OAS3: variants seen among roughly 807,000 people sequenced by gnomAD.
The protein encoded by OAS3 is 2'-5'-oligoadenylate synthase 3.
In OAS3, 107 loss-of-function variants were observed where a neutral mutation model predicts 113.0. That is an observed-to-expected ratio of 0.95 (90% CI 0.81 to 1.11). OAS3 has a LOEUF of 1.11. Among genes scored for constraint, OAS3 ranks in the 50% most tolerant of loss-of-function variants. The pLI is 0.00. For missense variants in OAS3, 1,258 were observed against 1,389.1 expected (o/e 0.91, Z 1.50); for synonymous variants, 552 against 573.6 (o/e 0.96, Z 0.54).
Position 112,972,000 on chromosome 12 carries a change from A to AT in OAS3, c.*2028dup, listed in dbSNP as rs1197308929. 6.6e-6 allele frequency: 1 copy of AT among 152,188 alleles called. No individual in the cohort carries two copies. The highest frequency in any genetic ancestry group is 2.4e-5 in the African/African-American group (1 of 41,422). The allele number at this position is 152,188 out of a possible 1,614,324, so 9.4% of individuals were successfully genotyped here. A position where few individuals can be genotyped will look rare whatever the true frequency, so the allele number is the denominator to read the frequency against. On this transcript the variant is annotated 3_prime_UTR_variant, in exon 16 of 16. Coordinates refer to ENST00000228928, the MANE Select transcript of OAS3 (RefSeq NM_006187.4). ...ATTGGCCCTGGCTGCTGCCACACAC[A>AT]TATCCAAGAGCTCAGGGCCAGTTCT...
intron 6 of OAS3, among the ~76,000 whole-genome samples, chr12:112,949,530 C>T (rs1011060833): frequency 2.6e-5 from 4 of 152,182 alleles, no homozygotes; most frequent in Non-Finnish European, 5.9e-5. Context: ...CCACACTGGC[C>T]TCCTGGCTGC....
rs1478135462 is a variant in OAS3, at chr12:112,961,126, C to T, written c.1713C>T (p.Thr571=). The change falls in exon 8 of 16, where the codon ACC becomes ACT. Residue 571 remains threonine (T), a synonymous_variant. Transcript: ENST00000228928. ...PNPQVYSRLL[T]SGCQEGEHKA... ...CCCAGGTCTACTCGAGGCTCCTCAC[C>T]AGTGGCTGCCAGGAGGGCGAGCATA... is the stretch of plus-strand genomic sequence containing the variant. 6.2e-7 allele frequency: 1 copy of T among 1,613,358 alleles called. No individual in the cohort carries two copies. The highest frequency in any genetic ancestry group is 1.1e-5 in the South Asian group (1 of 91,044).
chr12:112,950,780 G>C lies in OAS3; in HGVS notation c.1462G>C (p.Asp488His). ...IFLNCFTDYK[D>H]QGPRRAEILD... ...CCTCAACTGCTTCACGGACTACAAGGACCAGGGGCCCCGCCGCGCAGAGAT... is the reference window on the plus strand; with the variant it reads ...CCTCAACTGCTTCACGGACTACAAGCACCAGGGGCCCCGCCGCGCAGAGAT... The change falls in exon 7 of 16, where the codon GAC becomes CAC. Residue 488 changes from aspartate to histidine, a missense_variant. By Grantham distance (81) the Asp-to-His change is moderately conservative. Coordinates refer to ENST00000228928, the MANE Select transcript of OAS3 (RefSeq NM_006187.4). The C allele has an allele frequency of 6.2e-7, 1 of 1,614,030 alleles. No homozygotes were observed.
At chr12:112,944,699 G>T in intron 3 of OAS3, 48 bp downstream of exon 3, 3 of 1,597,122 alleles carry the variant, frequency 1.9e-6, no homozygotes, top group Non-Finnish European at 2.6e-6. Context: ...TGTTTGCTTT[G>T]TGCTTTCATA....
At chr12:112,950,385 A>G (rs1684793089) in intron 6 of OAS3, among the ~76,000 whole-genome samples, 2 of 152,212 alleles carry the variant, frequency 1.3e-5, no homozygotes, top group South Asian at 4.1e-4. Flanking sequence ...GATGCTGCAG[A>G]TAGTAGGCTA....
intron 8 of OAS3, 136 bp downstream of exon 8, chr12:112,961,382 TC>T: frequency 1.3e-6 from 1 of 754,562 alleles, no homozygotes; most frequent in Non-Finnish European, 2.1e-6. Context: ...ACCGGCCTCC[TC>T]CATCCTCCAT....
chr12:112,957,370 A>C (rs2043844712), intron 7 of OAS3, among the ~76,000 whole-genome samples: 1 of 152,162 alleles, frequency 6.6e-6, no homozygotes, highest in Non-Finnish European at 1.5e-5. Flanking sequence ...AAATTTGATC[A>C]TGTCATTATG....
At chr12:112,966,108 T>C (rs2043931556) in intron 12 of OAS3, 79 bp downstream of exon 12, 8 of 1,437,274 alleles carry the variant, frequency 5.6e-6, no homozygotes, top group South Asian at 5.0e-5. Context: ...GGTTGCACAG[T>C]ACACAACCAG....
chr12:112,948,134 C>T (rs954587417), intron 5 of OAS3, 35 bp downstream of exon 5: 17 of 1,483,416 alleles, frequency 1.1e-5, no homozygotes, highest in Non-Finnish European at 1.5e-5. Context: ...TTGGGTTTTG[C>T]ACTTTGTTTA....
chr12:112,948,502 C>CAAAAAAA (rs35812521), intron 5 of OAS3, among the ~76,000 whole-genome samples: 1 of 99,488 alleles, frequency 1.0e-5, no homozygotes, highest in Non-Finnish European at 1.9e-5. Context: ...GACTCCGTCC[C>CAAAAAAA]AAAAAAAAAA....
rs537312871 is a variant in OAS3, at chr12:112,970,032, T to G, written c.*59T>G. On this transcript the variant is annotated 3_prime_UTR_variant, in exon 16 of 16. Transcript: ENST00000228928. ...AGAAGATGGACACCAGCCCTCAGCATGAGGAAATTCAGGGTCCCCTACCAG... is the reference window on the plus strand; with the variant it reads ...AGAAGATGGACACCAGCCCTCAGCAGGAGGAAATTCAGGGTCCCCTACCAG... 2.0e-5 allele frequency: 32 copies of G among 1,586,408 alleles called. No individual in the cohort carries two copies. In the South Asian group the frequency reaches 3.3e-4, roughly 17 times the overall value.
At position 112,963,103 on chromosome 12, in the gene OAS3, G is replaced by A. The variant is rs548747520; in HGVS notation, c.2084+201G>A. Among the ~76,000 whole-genome samples the A allele has an allele frequency of 7.2e-5, 11 of 152,308 alleles. No homozygotes were observed. The highest frequency in any genetic ancestry group is 2.2e-4 in the African/African-American group (9 of 41,566). The stretch of plus-strand genomic sequence containing the variant: ...AAACCAGGGCCAGTTTTATTAGCAT[G>A]ATAAAATAGTATTTCTCAGTTGAAG... On this transcript the variant is annotated intron_variant, in intron 9 of 15. Coordinates refer to ENST00000228928, the MANE Select transcript of OAS3 (RefSeq NM_006187.4). This position sits in a 1 kb window ranked among gnomAD's most constrained non-coding sequence, Gnocchi z 4.6.
In OAS3 at chr12:112,967,580, A is replaced by C. The variant is rs753731450; in HGVS notation, c.2852A>C (p.His951Pro). The change falls in exon 13 of 16, where the codon CAC becomes CCC. Residue 951 changes from histidine (H) to proline (P), a missense_variant. Transcript: ENST00000228928. ...AAGAGCCTGATCCGGCTGGTGAAGC[A>C]CTGGTACCAGCAGGTTCGGCACATG... is the stretch of plus-strand genomic sequence containing the variant. The part of the protein sequence containing the change: ...KLKSLIRLVK[H>P]WYQQCTKISK... 1 of 1,613,486 alleles carries C rather than the reference A, an allele frequency of 6.2e-7. No homozygotes were observed.
At position 112,949,149 on chromosome 12, in the gene OAS3, A is replaced by G. The variant is rs2043765822; in HGVS notation, c.1318A>G (p.Ile440Val). ...GGAGCAGGTGAAAAAGGCCATTGACATCATCTTGCGCTGCCTCCATGAGAA... is the reference window on the plus strand; with the variant it reads ...GGAGCAGGTGAAAAAGGCCATTGACGTCATCTTGCGCTGCCTCCATGAGAA... ...FQEQVKKAID[I>V]ILRCLHENCV... Residue 440 changes from isoleucine (I) to valine (V), a missense_variant, in exon 6 of 16, where the codon ATC becomes GTC. Physicochemically the swap from Ile to Val is conservative, Grantham distance 29. Transcript: ENST00000228928. The G allele has an allele frequency of 6.2e-7, 1 of 1,613,786 alleles. No individual in the cohort carries two copies. The highest frequency in any genetic ancestry group is 8.5e-7 in the Non-Finnish European group (1 of 1,179,870).
intron 6 of OAS3, 109 bp from the exon 7 acceptor site, chr12:112,950,584 C>T: frequency 7.7e-7 from 1 of 1,302,528 alleles, no homozygotes. Flanking sequence ...GACCTGACAT[C>T]AGCAAGAGGG....
rs58792765 is a variant in OAS3, at chr12:112,939,306, C to CTTTTTTT, written c.177+624_177+630dup. Among the ~76,000 whole-genome samples, 103 of 68,298 alleles carry CTTTTTTT rather than the reference C, an allele frequency of 1.5e-3. 5 individuals are homozygous for CTTTTTTT. Among genetic ancestry groups the CTTTTTTT allele is most frequent in the African/African-American group, 5.3e-3 (97 of 18,274 alleles). 44.8% of individuals were successfully genotyped at this position (68,298 alleles called of 152,430 possible). A position where few individuals can be genotyped will look rare whatever the true frequency, so the allele number is the denominator to read the frequency against. ...GCTAAATTACTACTCTGAGTCACAT[C>CTTTTTTT]TTTTTTTTTTTTTTTTTTTTTTTTT... On this transcript the variant is annotated intron_variant, in intron 1 of 15. Coordinates refer to ENST00000228928, the MANE Select transcript of OAS3 (RefSeq NM_006187.4).
intron 7 of OAS3, among the ~76,000 whole-genome samples, chr12:112,958,643 G>A (rs1377006882): frequency 2.6e-5 from 4 of 152,268 alleles, no homozygotes; most frequent in African/African-American, 9.6e-5. Flanking sequence ...ATCACCAGTG[G>A]AGGCTGCAGA....
chr12:112,961,024 T>C, intron 7 of OAS3, 47 bp from the exon 8 acceptor site: 1 of 1,589,074 alleles, frequency 6.3e-7, no homozygotes, highest in Non-Finnish European at 8.6e-7. Context: ...TAAATGCTGC[T>C]GTCTTCAATT....
intron 2 of OAS3, among the ~76,000 whole-genome samples, chr12:112,943,910 C>G (rs2043703516): frequency 6.6e-6 from 1 of 152,006 alleles, no homozygotes; most frequent in East Asian, 1.9e-4. Context: ...CCAGGCTGGT[C>G]TCGAACTCCT....
Sources: gnomAD v4.1 joint callset for allele counts (sites outside exome capture counted in the v4.1 genomes callset) on GRCh38, gnomAD v4.1.1 for gene constraint, Gnocchi (gnomAD v3.1) non-coding constraint, MANE v1.5 for transcripts, NCBI Gene and HGNC (gene_info 2026-07-23, HGNC 2026-07-21) for gene names.